Variants in PLAGL1 observed in about 807,000 individuals in gnomAD.
PLAGL1 encodes zinc finger protein PLAGL1.
PLAGL1 carries 1 observed loss-of-function variant against 4.6 expected under a neutral mutation model. That is an observed-to-expected ratio of 0.22 (90% CI 0.08 to 1.03). The LOEUF is 1.03. PLAGL1 is among the 50% of genes least tolerant of loss of function. The probability of loss-of-function intolerance (pLI) is 0.58; values close to 1 mark genes in which losing one functional copy is unlikely to be tolerated. For missense variants in PLAGL1, 464 were observed against 570.4 expected, an observed-to-expected ratio of 0.81 and a Z score of 1.90; for synonymous variants, 240 against 237.8, an observed-to-expected ratio of 1.01 and a Z score of -0.08.
In PLAGL1 at chr6:143,990,657, T is replaced by G. The variant is rs556488793; in HGVS notation, c.-583-5483A>C. Reference sequence around the variant, plus strand: ...ATCCTCATTTTAAAAACCAGGACACTGAGGCTCAAGAGAGATTACTAGGTT... The same window carrying G: ...ATCCTCATTTTAAAAACCAGGACACGGAGGCTCAAGAGAGATTACTAGGTT... On this transcript the variant is annotated intron_variant, in intron 1 of 7. Coordinates refer to ENST00000674357, the MANE Select transcript of PLAGL1 (RefSeq NM_001317162.2). This position sits in a 1 kb window ranked among gnomAD's most constrained non-coding sequence, Gnocchi z 5.4. Among the ~76,000 whole-genome samples the G allele has an allele frequency of 2.6e-5, 4 of 152,314 alleles. No individual in the cohort carries two copies. The highest frequency in any genetic ancestry group is 9.6e-5 in the African/African-American group (4 of 41,558).
At chr6:144,012,701 T>G (rs1311014539), upstream of PLAGL1, among the ~76,000 whole-genome samples, 1 of 152,236 alleles carries the variant, frequency 6.6e-6, no homozygotes, top group Admixed American at 6.5e-5. The surrounding 1 kb of genome is among the most constrained non-coding windows in gnomAD (Gnocchi z 4.8). Flanking sequence ...TATGTTGACC[T>G]GGTAGCTGTG....
rs1409821539 is a variant in PLAGL1, at chr6:143,973,434, T to C, written c.-543-4456A>G. ...ACCAGCACAATCACCCAGCATAATA[T>C]ACTGCTCGCTAGTTCATCCAAGGTC... On this transcript the variant is annotated intron_variant, in intron 2 of 7. Transcript: ENST00000674357. This position sits in a 1 kb window ranked among gnomAD's most constrained non-coding sequence, Gnocchi z 6.2. Among the ~76,000 whole-genome samples, 2 of 152,126 alleles carry C rather than the reference T, an allele frequency of 1.3e-5. No homozygotes were observed. Among genetic ancestry groups the C allele is most frequent in the African/African-American group, 4.8e-5 (2 of 41,402 alleles).
chr6:143,969,934 G>A (rs1419397334), intron 2 of PLAGL1, among the ~76,000 whole-genome samples: 1 of 152,124 alleles, frequency 6.6e-6, no homozygotes, highest in African/African-American at 2.4e-5. Flanking sequence ...CAAATGATGA[G>A]AGGGCAGCAG....
At position 143,982,162 on chromosome 6, in the gene PLAGL1, T is replaced by A. The variant is rs570031826; in HGVS notation, c.-544+2973A>T. Among the ~76,000 whole-genome samples the A allele has an allele frequency of 6.4e-4, 95 of 149,172 alleles. No individual in the cohort carries two copies. Among genetic ancestry groups the A allele is most frequent in the East Asian group, 1.4e-3 (7 of 5,134 alleles). On this transcript the variant is annotated intron_variant, in intron 2 of 7. Transcript: ENST00000674357. This position sits in a 1 kb window ranked among gnomAD's most constrained non-coding sequence, Gnocchi z 5.3. ...TAAAATATGTATCAGATGGTGATTT[T>A]AAAAAAAAAAGTAATGAAGAGACAG...
At position 143,942,341 on chromosome 6, in the gene PLAGL1, C is replaced by G. The variant is rs780599925; in HGVS notation, c.475G>C (p.Asp159His). The G allele has an allele frequency of 6.2e-6, 10 of 1,614,114 alleles. No individual in the cohort carries two copies. Among genetic ancestry groups the G allele is most frequent in the Non-Finnish European group, 8.5e-6 (10 of 1,180,002 alleles). ...GTGTAGAAGCATCTTTCACAGTGGT[C>G]GCACTGGTGCTTCTTTTCCTTGGTT... ...SGTKEKKHQC[D>H]HCERCFYTRK... The change falls in exon 8 of 8, where the codon GAC becomes CAC. Residue 159 changes from aspartate (D) to histidine (H), a missense_variant. This residue lies in a region of PLAGL1 where 35 missense variants were observed against 77.3 expected (regional missense o/e 0.45). Transcript: ENST00000674357. This position sits in a 1 kb window ranked among gnomAD's most constrained non-coding sequence, Gnocchi z 7.6.
At chr6:143,956,815 A>G (rs1273530540) in intron 6 of PLAGL1, among the ~76,000 whole-genome samples, 2 of 152,226 alleles carry the variant, frequency 1.3e-5, no homozygotes, top group South Asian at 2.1e-4. Context: ...AGCCTTGGAG[A>G]GCCACAGAGG....
intron 1 of PLAGL1, among the ~76,000 whole-genome samples, chr6:144,047,586 A>T (rs1486925515): frequency 6.6e-6 from 1 of 152,130 alleles, no homozygotes; most frequent in African/African-American, 2.4e-5. Context: ...AGCAGGGAAA[A>T]TTCCCTTATA....
At chr6:144,007,819 C>T (rs1374413533) in intron 1 of PLAGL1, 3 of 152,210 alleles carry the variant, frequency 2.0e-5, no homozygotes, top group African/African-American at 7.2e-5. Flanking sequence ...AGAATCGGGT[C>T]TGTGGACCTC....
At position 144,064,278 on chromosome 6, in the gene PLAGL1, A is replaced by G. The variant is rs1350469672; in HGVS notation, c.-151+190T>C. Among the ~76,000 whole-genome samples, 1 of 152,130 alleles carries G rather than the reference A, an allele frequency of 6.6e-6. No individual in the cohort carries two copies. Among genetic ancestry groups the G allele is most frequent in the Non-Finnish European group, 1.5e-5 (1 of 68,010 alleles). On this transcript the variant is annotated intron_variant, in intron 1 of 3. Coordinates refer to the PLAGL1 transcript ENST00000437412. This position sits in a 1 kb window ranked among gnomAD's most constrained non-coding sequence, Gnocchi z 6.8. ...CCAAGCACCGACCGCCATCCCCGGC[A>G]GGACGCAGGCAGGAGCCTCGGCCAG...
At position 144,004,687 on chromosome 6, in the gene PLAGL1, G is replaced by A. The variant is rs570638185; in HGVS notation, c.-584+3403C>T. Among the ~76,000 whole-genome samples, 2 of 152,124 alleles carry A rather than the reference G, an allele frequency of 1.3e-5. No homozygotes were observed. Among genetic ancestry groups the A allele is most frequent in the African/African-American group, 2.4e-5 (1 of 41,522 alleles). ...TATACACATATGTAAATTTCACCAA[G>A]CTACACACTTTTTTTTGTTGTACAT... On this transcript the variant is annotated intron_variant, in intron 1 of 7. Transcript: ENST00000674357. The surrounding 1 kb of genome is among the most constrained non-coding windows in gnomAD (Gnocchi z 4.2).
In PLAGL1 at chr6:143,945,540, A is replaced by T. The variant is rs1410718452; in HGVS notation, c.152+2445T>A. Among the ~76,000 whole-genome samples the T allele has an allele frequency of 6.6e-6, 1 of 152,142 alleles. No homozygotes were observed. The highest frequency in any genetic ancestry group is 1.5e-5 in the Non-Finnish European group (1 of 68,022). On this transcript the variant is annotated intron_variant, in intron 7 of 7. Coordinates refer to ENST00000674357, the MANE Select transcript of PLAGL1 (RefSeq NM_001317162.2). This position sits in a 1 kb window ranked among gnomAD's most constrained non-coding sequence, Gnocchi z 4.2. The stretch of plus-strand genomic sequence containing the variant: ...CACCAGGCTGAAGTGCAGTGGCTCG[A>T]TGTCAGCTCACTGCAACCTCTGCCT...
At position 143,941,214 on chromosome 6, in the gene PLAGL1, G is replaced by A. The variant is rs930071743; in HGVS notation, c.*210C>T. On this transcript the variant is annotated 3_prime_UTR_variant, in exon 8 of 8. Coordinates refer to ENST00000674357, the MANE Select transcript of PLAGL1 (RefSeq NM_001317162.2). This position sits in a 1 kb window ranked among gnomAD's most constrained non-coding sequence, Gnocchi z 6.0. The stretch of plus-strand genomic sequence containing the variant: ...TTTGCAGTTTGATTACAGAACACGC[G>A]TTCATTAAATTTGGTACAAAGCATG... 12 of 414,776 alleles carry A rather than the reference G, an allele frequency of 2.9e-5. No homozygotes were observed. The highest frequency in any genetic ancestry group is 8.2e-5 in the African/African-American group (4 of 48,920). The allele number at this position is 414,776 out of a possible 1,614,324, so 25.7% of individuals were successfully genotyped here.
intron 1 of PLAGL1, among the ~76,000 whole-genome samples, chr6:144,002,446 G>A (rs372648954): frequency 7.2e-5 from 11 of 151,922 alleles, no homozygotes; most frequent in South Asian, 4.1e-4. Context: ...AAGAAAAGGC[G>A]AAAAAGAGAA....
At chr6:144,010,277 C>A (rs181186572), upstream of PLAGL1, among the ~76,000 whole-genome samples, 1 of 152,126 alleles carries the variant, frequency 6.6e-6, no homozygotes, top group East Asian at 1.9e-4. This position sits in a 1 kb window ranked among gnomAD's most constrained non-coding sequence, Gnocchi z 4.1. Flanking sequence ...AATCAATGTG[C>A]AAAAATCACA....
intron 1 of PLAGL1, chr6:144,007,325 G>T (rs1794451361): frequency 1.3e-5 from 2 of 152,174 alleles, no homozygotes; most frequent in South Asian, 4.1e-4. Flanking sequence ...CAGGACCTCA[G>T]TGAGGCCCCA....
rs1782731979 is a variant in PLAGL1 at position 143,958,815 on chromosome 6, T to C, written c.-325+1654A>G. 6.6e-6 allele frequency among the ~76,000 whole-genome samples: 1 copy of C among 152,166 alleles called. No individual in the cohort carries two copies. The highest frequency in any genetic ancestry group is 1.5e-5 in the Non-Finnish European group (1 of 68,036). ...AAGTTTTCCAAGCGACAACACTGGCTTTTCTGAAAGGGGAAAGGAATGTTA... is the reference window on the plus strand; with the variant it reads ...AAGTTTTCCAAGCGACAACACTGGCCTTTCTGAAAGGGGAAAGGAATGTTA... On this transcript the variant is annotated intron_variant, in intron 6 of 7. Coordinates refer to ENST00000674357, the MANE Select transcript of PLAGL1 (RefSeq NM_001317162.2). This position sits in a 1 kb window ranked among gnomAD's most constrained non-coding sequence, Gnocchi z 5.1.
rs895493717 is a variant in PLAGL1 at position 144,057,417 on chromosome 6, C to G, written c.-151+7051G>C. Reference sequence around the variant, plus strand: ...AAATCACCTTTCTTCTCACCAGAGGCACCCTACATGTATACCTGGCCAAGG... The same window carrying G: ...AAATCACCTTTCTTCTCACCAGAGGGACCCTACATGTATACCTGGCCAAGG... On this transcript the variant is annotated intron_variant, in intron 1 of 3. Transcript: ENST00000437412. Among the ~76,000 whole-genome samples, 4 of 152,184 alleles carry G rather than the reference C, an allele frequency of 2.6e-5. No individual in the cohort carries two copies. The East Asian group carries it at 7.7e-4, about 29-fold the overall frequency.
At chr6:143,946,417 G>A (rs990819885) in intron 7 of PLAGL1, among the ~76,000 whole-genome samples, 5 of 152,168 alleles carry the variant, frequency 3.3e-5, no homozygotes, top group South Asian at 4.1e-4. Flanking sequence ...CTCCGCACAC[G>A]CAAGAAGCTT....
In PLAGL1 at chr6:143,949,927, A is replaced by G. The variant is rs778269578; in HGVS notation, c.-324-1467T>C. On this transcript the variant is annotated intron_variant, in intron 6 of 7. Transcript: ENST00000674357. This position sits in a 1 kb window ranked among gnomAD's most constrained non-coding sequence, Gnocchi z 5.3. ...CTAGATGAAACTTTATTGTAATAAC[A>G]GTTTAAACATGTTTAAATATAGCAT... Among the ~76,000 whole-genome samples the G allele has an allele frequency of 6.6e-6, 1 of 152,268 alleles. No individual in the cohort carries two copies. Among genetic ancestry groups the G allele is most frequent in the Non-Finnish European group, 1.5e-5 (1 of 68,050 alleles).
Sources: allele counts gnomAD v4.1 joint callset (sites outside exome capture counted in the v4.1 genomes callset), GRCh38; gene constraint gnomAD v4.1.1; regional missense constraint gnomAD v4.1.1; non-coding constraint Gnocchi (gnomAD v3.1); transcripts MANE v1.5; gene names NCBI Gene and HGNC (gene_info 2026-07-23, HGNC 2026-07-21).